AGBL4: variants seen among roughly 807,000 people sequenced by gnomAD.
AGBL4 encodes the protein AGBL carboxypeptidase 4, also known as cytosolic carboxypeptidase 6.
A neutral mutation model predicts 66.4 loss-of-function variants in AGBL4; 58 were observed. The ratio of observed to expected loss-of-function variants is 0.87; its 90% CI spans 0.71 to 1.09. The LOEUF (loss-of-function observed/expected upper bound fraction) is 1.09. AGBL4 is among the 50% of genes least tolerant of loss of function. The probability of loss-of-function intolerance (pLI) is 0.00; values close to 1 mark genes in which losing one functional copy is unlikely to be tolerated. For synonymous variants in AGBL4, 234 were observed against 222.9 expected (o/e 1.05, Z -0.44); for missense variants, 579 against 631.0 (o/e 0.92, Z 0.88).
intron 1 of AGBL4, among the ~76,000 whole-genome samples, chr1:49,874,156 CTTT>C (rs1201777659): frequency 6.6e-6 from 1 of 151,952 alleles, no homozygotes; most frequent in East Asian, 1.9e-4. Flanking sequence ...AACTGAACAT[CTTT>C]TTAAGAAAAA....
intron 3 of AGBL4, among the ~76,000 whole-genome samples, chr1:49,529,720 C>T (rs937612102): frequency 4.6e-5 from 7 of 151,920 alleles, no homozygotes; most frequent in African/African-American, 1.5e-4. Flanking sequence ...TATTCAATAA[C>T]AGTTTTAGAC....
At chr1:49,648,539 T>C (rs1645937244) in intron 3 of AGBL4, among the ~76,000 whole-genome samples, 1 of 151,688 alleles carries the variant, frequency 6.6e-6, no homozygotes. Context: ...GCAGGATAAA[T>C]GCCAGAAAAT....
chr1:49,697,803 T>G (rs1647015689), intron 2 of AGBL4, among the ~76,000 whole-genome samples: 1 of 152,178 alleles, frequency 6.6e-6, no homozygotes, highest in African/African-American at 2.4e-5. Context: ...ATACCTTATG[T>G]ATTTTGTATT....
At chr1:48,869,621 C>G (rs1648448310) in intron 5 of AGBL4, among the ~76,000 whole-genome samples, 1 of 152,138 alleles carries the variant, frequency 6.6e-6, no homozygotes, top group Non-Finnish European at 1.5e-5. Flanking sequence ...GGCTTTCTGT[C>G]TCTGGCCTCA....
At chr1:49,576,805 T>A (rs936285755) in intron 3 of AGBL4, among the ~76,000 whole-genome samples, 2 of 152,026 alleles carry the variant, frequency 1.3e-5, no homozygotes, top group Non-Finnish European at 2.9e-5. Context: ...CTATGATCAG[T>A]TGACAGAGAG....
chr1:49,001,655 C>T (rs1285531229), intron 5 of AGBL4, among the ~76,000 whole-genome samples: 1 of 152,168 alleles, frequency 6.6e-6, no homozygotes, highest in African/African-American at 2.4e-5. Context: ...ATTCTCACTG[C>T]CGTGGTGCTT....
chr1:49,748,339 A>C (rs1384207530), intron 2 of AGBL4, among the ~76,000 whole-genome samples: 1 of 151,982 alleles, frequency 6.6e-6, no homozygotes, highest in Non-Finnish European at 1.5e-5. Context: ...AAGGACATGA[A>C]CTCATTCTTT....
At chr1:49,318,369 C>T (rs565129558) in intron 3 of AGBL4, among the ~76,000 whole-genome samples, 3 of 150,712 alleles carry the variant, frequency 2.0e-5, no homozygotes, top group South Asian at 2.1e-4. Context: ...ATACAACATA[C>T]GGGAATATTT....
intron 3 of AGBL4, among the ~76,000 whole-genome samples, chr1:49,648,576 G>A (rs769815474): frequency 3.3e-5 from 5 of 151,830 alleles, no homozygotes; most frequent in Admixed American, 6.6e-5. Flanking sequence ...ATTTTAAAAC[G>A]AAAGAAAATC....
chr1:48,929,858 T>C (rs1334534971), intron 5 of AGBL4, among the ~76,000 whole-genome samples: 1 of 152,174 alleles, frequency 6.6e-6, no homozygotes, highest in African/African-American at 2.4e-5. Context: ...CACTTCTTAT[T>C]CTGCCACCTC....
At chr1:48,860,512 T>C (rs922099757) in intron 6 of AGBL4, among the ~76,000 whole-genome samples, 8 of 152,128 alleles carry the variant, frequency 5.3e-5, no homozygotes, top group Non-Finnish European at 4.4e-5. Context: ...GAGATGGGAA[T>C]CAGAGATAAG....
At chr1:49,344,904 C>A (rs1645608398) in intron 3 of AGBL4, among the ~76,000 whole-genome samples, 1 of 152,110 alleles carries the variant, frequency 6.6e-6, no homozygotes, top group African/African-American at 2.4e-5. Context: ...AAGCGTTTCA[C>A]CTTTTCAGAA....
At chr1:49,470,781 AAT>A (rs1334665418) in intron 3 of AGBL4, among the ~76,000 whole-genome samples, 1 of 152,062 alleles carries the variant, frequency 6.6e-6, no homozygotes, top group Non-Finnish European at 1.5e-5. Flanking sequence ...AGTGGGTATA[AAT>A]ATGACTGCAG....
At chr1:49,574,919 T>C (rs1360145293) in intron 3 of AGBL4, among the ~76,000 whole-genome samples, 2 of 151,956 alleles carry the variant, frequency 1.3e-5, no homozygotes, top group East Asian at 3.9e-4. Context: ...CTAATTTCAA[T>C]AATAAAGACA....
At chr1:49,674,736 A>G (rs1180659051) in intron 3 of AGBL4, among the ~76,000 whole-genome samples, 1 of 152,012 alleles carries the variant, frequency 6.6e-6, no homozygotes, top group Admixed American at 6.6e-5. Context: ...CGAAATCACC[A>G]TTAAGTGGTA....
At chr1:49,217,995 C>A (rs1259700520) in intron 4 of AGBL4, among the ~76,000 whole-genome samples, 1 of 152,046 alleles carries the variant, frequency 6.6e-6, no homozygotes, top group African/African-American at 2.4e-5. Context: ...GGAATTCAAT[C>A]CTTCTTTAGT....
intron 6 of AGBL4, chr1:48,776,717 C>T: frequency 6.5e-7 from 1 of 1,527,536 alleles, no homozygotes; most frequent in Non-Finnish European, 8.8e-7. Flanking sequence ...CGGTACACGG[C>T]GTACACCTTC....
chr1:49,327,379 T>C (rs982453780), intron 3 of AGBL4, among the ~76,000 whole-genome samples: 15 of 152,204 alleles, frequency 9.9e-5, no homozygotes, highest in Admixed American at 2.0e-4. Flanking sequence ...TTAAAGTAAG[T>C]TGAATCCTGG....
At chr1:48,673,526 T>C (rs1190483057) in intron 6 of AGBL4, among the ~76,000 whole-genome samples, 2 of 152,270 alleles carry the variant, frequency 1.3e-5, no homozygotes, top group African/African-American at 4.8e-5. Context: ...CCGAAAATGC[T>C]ACTGGGCTTT....
Sources: allele counts gnomAD v4.1 joint callset (sites outside exome capture counted in the v4.1 genomes callset), GRCh38; gene constraint gnomAD v4.1.1; transcripts MANE v1.5; gene names NCBI Gene and HGNC (gene_info 2026-07-23, HGNC 2026-07-21).